PTGDR: variants seen among roughly 807,000 people sequenced by gnomAD.
PTGDR encodes the protein PGD2 receptor.
A neutral mutation model predicts 17.4 loss-of-function variants in PTGDR; 19 were observed. The observed-to-expected ratio is 1.09, with a 90% CI of 0.76 to 1.60. The LOEUF is 1.60. Ranked by LOEUF, PTGDR falls within the 40% of genes most tolerant of loss-of-function variation. The pLI is 0.00. For missense variants in PTGDR, 526 were observed against 481.9 expected, an observed-to-expected ratio of 1.09 and a Z score of -0.86; for synonymous variants, 267 against 224.2, an observed-to-expected ratio of 1.19 and a Z score of -1.71.
In PTGDR at chr14:52,268,386, A is replaced by T. The variant is rs145657053; in HGVS notation, c.572A>T (p.Glu191Val). Residue 191 changes from glutamate to valine, a missense_variant, in exon 1 of 2, where the codon GAG becomes GTG. Transcript: ENST00000306051. Reference sequence around the variant, plus strand: ...TGCTTTATCCAGATGGTCCACGAGGAGGGCTCGCTGTCGGTGCTGGGGTAC... The same window carrying T: ...TGCTTTATCCAGATGGTCCACGAGGTGGGCTCGCTGTCGGTGCTGGGGTAC... ...TWCFIQMVHE[E>V]GSLSVLGYSV... 2.5e-6 allele frequency: 4 copies of T among 1,612,172 alleles called. No homozygotes were observed. The African/African-American group carries it at 5.3e-5, about 22-fold the overall frequency.
chr14:52,280,527 T>C (rs2033475221), downstream of PTGDR, among the ~76,000 whole-genome samples: 1 of 152,220 alleles, frequency 6.6e-6, no homozygotes, highest in African/African-American at 2.4e-5. Context: ...CGGAAATTCC[T>C]TGGGGGCCCC....
downstream of PTGDR, among the ~76,000 whole-genome samples, chr14:52,280,851 A>G (rs565834895): frequency 2.0e-5 from 3 of 152,290 alleles, no homozygotes; most frequent in Admixed American, 2.0e-4. Context: ...ATCTATGGGG[A>G]AAGGAATAGA....
chr14:52,267,741 G>C lies in PTGDR; in HGVS notation c.-74G>C. On this transcript the variant is annotated 5_prime_UTR_variant, in exon 1 of 2. Transcript: ENST00000306051. Reference sequence around the variant, plus strand: ...CCGAGCCGCGCGCGGAGCTGCCGGGGGCTCCTTAGCACCCGGGCGCCGGGG... The same window carrying C: ...CCGAGCCGCGCGCGGAGCTGCCGGGCGCTCCTTAGCACCCGGGCGCCGGGG... 1 of 1,452,802 alleles carries C rather than the reference G, an allele frequency of 6.9e-7. No individual in the cohort carries two copies. Among genetic ancestry groups the C allele is most frequent in the African/African-American group, 1.4e-5 (1 of 69,606 alleles). 90.0% of individuals were successfully genotyped at this position (1,452,802 alleles called of 1,614,324 possible).
chr14:52,268,561 C>T lies in PTGDR; in HGVS notation c.747C>T (p.Asp249=), dbSNP rs1319798080. ...GGGACTGTGCCGAGCCGCGCGCGGA[C>T]GGGAGGGAAGCGTCCCCTCAGCCCC... The part of the protein sequence containing the change: ...CTRDCAEPRA[D]GREASPQPLE... Residue 249 remains aspartate (D), a synonymous_variant, in exon 1 of 2, where the codon GAC becomes GAT. Coordinates refer to ENST00000306051, the MANE Select transcript of PTGDR (RefSeq NM_000953.3). 4.3e-6 allele frequency: 7 copies of T among 1,612,716 alleles called. No individual in the cohort carries two copies. Among genetic ancestry groups the T allele is most frequent in the Non-Finnish European group, 5.9e-6 (7 of 1,179,600 alleles).
chr14:52,279,056 A>AT (rs2033461533), downstream of PTGDR, among the ~76,000 whole-genome samples: 1 of 152,182 alleles, frequency 6.6e-6, no homozygotes, highest in East Asian at 1.9e-4. Context: ...ATAGTCACCT[A>AT]TTTTTTTCTC....
In PTGDR at chr14:52,276,281, C is replaced by T. The variant is rs2033423659; in HGVS notation, c.*1317C>T. On this transcript the variant is annotated 3_prime_UTR_variant, in exon 2 of 2. Transcript: ENST00000306051. Reference sequence around the variant, plus strand: ...CTGGAGTTCCTTTGTATCTGACAATCTCAGGACTCCAAGGTGCAAAGCCTG... The same window carrying T: ...CTGGAGTTCCTTTGTATCTGACAATTTCAGGACTCCAAGGTGCAAAGCCTG... 6.6e-6 allele frequency: 1 copy of T among 152,164 alleles called. No homozygotes were observed. Among genetic ancestry groups the T allele is most frequent in the Non-Finnish European group, 1.5e-5 (1 of 68,040 alleles). The allele number at this position is 152,164 out of a possible 1,614,324, so 9.4% of individuals were successfully genotyped here.
Position 52,267,898 on chromosome 14 carries a change from C to T in PTGDR, c.84C>T (p.Ser28=). ...CGGTGATGGGCGGGGTGCTCTTCAG[C>T]ACCGGCCTCCTGGGCAACCTGCTGG... ...NSAVMGGVLF[S]TGLLGNLLAL... Residue 28 remains serine, a synonymous_variant, in exon 1 of 2, where the codon AGC becomes AGT. Transcript: ENST00000306051. The T allele has an allele frequency of 6.2e-7, 1 of 1,609,898 alleles. No individual in the cohort carries two copies. Among genetic ancestry groups the T allele is most frequent in the South Asian group, 1.1e-5 (1 of 90,780 alleles).
At chr14:52,269,102 T>C (rs2033276263) in intron 1 of PTGDR, among the ~76,000 whole-genome samples, 1 of 152,134 alleles carries the variant, frequency 6.6e-6, no homozygotes, top group Non-Finnish European at 1.5e-5. Flanking sequence ...GTATCAGAAA[T>C]GGGCGAATGG....
chr14:52,272,452 G>A (rs546607732), intron 1 of PTGDR, among the ~76,000 whole-genome samples: 107 of 145,166 alleles, frequency 7.4e-4, no homozygotes, highest in Non-Finnish European at 1.4e-3. Flanking sequence ...GGGTGACAGA[G>A]TGAGACTCTG....
chr14:52,273,187 A>G (rs1335688219), intron 1 of PTGDR, among the ~76,000 whole-genome samples: 1 of 151,586 alleles, frequency 6.6e-6, no homozygotes, highest in East Asian at 1.9e-4. Context: ...TGATTTTTGT[A>G]TTTTTAGTAG....
downstream of PTGDR, among the ~76,000 whole-genome samples, chr14:52,278,480 G>A (rs1382941517): frequency 6.6e-6 from 1 of 152,122 alleles, no homozygotes; most frequent in East Asian, 1.9e-4. Context: ...GGTGGGGGGA[G>A]CTGGGAGAGA....
At position 52,274,917 on chromosome 14, in the gene PTGDR, T is replaced by C. The variant is rs765402885; in HGVS notation, c.1033T>C (p.Tyr345His). Reference protein sequence around the residue: ...FHKIFIRPLRYRSRCSNSTNM... With the variant: ...FHKIFIRPLRHRSRCSNSTNM... ...CAAGATTTTCATTAGACCTCTTAGG[T>C]ACAGGAGCCGGTGCAGCAATTCCAC... Residue 345 changes from tyrosine to histidine, a missense_variant, in exon 2 of 2, where the codon TAC becomes CAC. Coordinates refer to ENST00000306051, the MANE Select transcript of PTGDR (RefSeq NM_000953.3). 1.9e-6 allele frequency: 3 copies of C among 1,604,384 alleles called. No individual in the cohort carries two copies. The Admixed American group carries it at 5.0e-5, about 27-fold the overall frequency.
In PTGDR at chr14:52,274,741, A is replaced by C. The variant is rs1429907769; in HGVS notation, c.857A>C (p.Tyr286Ser). ...TTTTCTTCAAAACAGTATCGCGCTT[A>C]CTATGGAGCATTTAAGGATGTCAAG... ...MCSLPVIYRAYYGAFKDVKEK... is the reference protein window; with the variant it reads ...MCSLPVIYRASYGAFKDVKEK... Residue 286 changes from tyrosine to serine, a missense_variant, in exon 2 of 2, where the codon TAC (tyrosine) becomes TCC (serine). By Grantham distance (144) the Tyr-to-Ser change is moderately radical. Coordinates refer to ENST00000306051, the MANE Select transcript of PTGDR (RefSeq NM_000953.3). The C allele has an allele frequency of 6.2e-7, 1 of 1,609,660 alleles. No individual in the cohort carries two copies. The highest frequency in any genetic ancestry group is 8.5e-7 in the Non-Finnish European group (1 of 1,175,928).
At position 52,274,816 on chromosome 14, in the gene PTGDR, TTCTA is replaced by T. The variant is rs1291545509; in HGVS notation, c.936_939del (p.Ser313Ter). ...GCAGAAGACCTCCGAGCCTTGCGATTTCTATCTGTGATTTCAATTGTGGACCCTT... is the reference window on the plus strand; with the variant it reads ...GCAGAAGACCTCCGAGCCTTGCGATTTCTGTGATTTCAATTGTGGACCCTT... On this transcript the variant is annotated frameshift_variant, in exon 2 of 2. Transcript: ENST00000306051. LOFTEE classifies it high-confidence loss of function. The T allele has an allele frequency of 1.9e-6, 3 of 1,613,214 alleles. No individual in the cohort carries two copies. Among genetic ancestry groups the T allele is most frequent in the African/African-American group, 1.3e-5 (1 of 74,932 alleles).
Position 52,275,551 on chromosome 14 carries a change from C to A in PTGDR, c.*587C>A, listed in dbSNP as rs578180506. ...GCAGTTGGAGGGGCTTCCCCAGCCA[C>A]CATCGGGGAGTACTTGCTGCCTCAG... On this transcript the variant is annotated 3_prime_UTR_variant, in exon 2 of 2. Transcript: ENST00000306051. The A allele has an allele frequency of 6.5e-6, 1 of 152,946 alleles. No homozygotes were observed. The highest frequency in any genetic ancestry group is 1.5e-5 in the Non-Finnish European group (1 of 68,564). The allele number at this position is 152,946 out of a possible 1,614,324, so 9.5% of individuals were successfully genotyped here. A position where few individuals can be genotyped will look rare whatever the true frequency, so the allele number is the denominator to read the frequency against.
Position 52,268,603 on chromosome 14 carries a change from C to T in PTGDR, c.789C>T (p.His263=). The T allele has an allele frequency of 2.5e-6, 4 of 1,608,660 alleles. No individual in the cohort carries two copies. Among genetic ancestry groups the T allele is most frequent in the Non-Finnish European group, 3.4e-6 (4 of 1,177,864 alleles). The part of the protein sequence containing the change: ...ASPQPLEELD[H]LLLLALMTVL... ...CTCAGCCCCTGGAGGAGCTGGATCA[C>T]CTCCTGCTGCTGGCGCTGATGACCG... Residue 263 remains histidine (H), a synonymous_variant, in exon 1 of 2, where the codon CAC becomes CAT. Transcript: ENST00000306051.
chr14:52,270,920 T>C (rs1170017842), intron 1 of PTGDR, among the ~76,000 whole-genome samples: 1 of 152,216 alleles, frequency 6.6e-6, no homozygotes, highest in Non-Finnish European at 1.5e-5. Context: ...AGAAAATCAA[T>C]GGAGTTGAAA....
At chr14:52,269,565 C>G in intron 1 of PTGDR, 1 of 1,489,292 alleles carries the variant, frequency 6.7e-7, no homozygotes, top group South Asian at 1.2e-5. Context: ...AAAAACAATA[C>G]TTACAGAAAT....
downstream of PTGDR, among the ~76,000 whole-genome samples, chr14:52,277,860 AAAAAG>A (rs41315126): frequency 6.1e-3 from 934 of 152,310 alleles, 9 homozygotes; most frequent in South Asian, 0.02. Flanking sequence ...CACAAAACAA[AAAAAG>A]AAAAGAAAAG....
Sources: gnomAD v4.1 joint callset for allele counts (sites outside exome capture counted in the v4.1 genomes callset) on GRCh38, gnomAD v4.1.1 for gene constraint, MANE v1.5 for transcripts, NCBI Gene and HGNC (gene_info 2026-07-23, HGNC 2026-07-21) for gene names.